The following PAMR1 variants were observed in gnomAD, a reference collection of about 807,000 sequenced individuals.
The protein encoded by PAMR1 is inactive serine protease PAMR1.
Under a neutral mutation model 81.8 loss-of-function variants are expected in PAMR1, and 88 were observed. The ratio of observed to expected loss-of-function variants is 1.08; its 90% confidence interval spans 0.91 to 1.28. The LOEUF (loss-of-function observed/expected upper bound fraction) is 1.28. Among genes scored for constraint, PAMR1 ranks in the 50% most tolerant of loss-of-function variants. The pLI, the probability that PAMR1 is intolerant of heterozygous loss-of-function variation, is 0.00. For missense variants in PAMR1, 935 were observed against 919.7 expected (o/e 1.02, Z -0.21); for synonymous variants, 336 against 345.3 (o/e 0.97, Z 0.30).
chr11:35,435,345 T>C (rs1484376861), intron 9 of PAMR1, among the ~76,000 whole-genome samples: 1 of 152,228 alleles, frequency 6.6e-6, no homozygotes, highest in Non-Finnish European at 1.5e-5. Context: ...ATGATGTAAT[T>C]AATACCTCAT....
chr11:35,490,377 C>T (rs538544480), intron 3 of PAMR1, among the ~76,000 whole-genome samples: 1 of 152,330 alleles, frequency 6.6e-6, no homozygotes, highest in African/African-American at 2.4e-5. Context: ...AAAGAGCACT[C>T]TTCCATATGA....
intron 8 of PAMR1, among the ~76,000 whole-genome samples, chr11:35,436,568 A>G (rs1856050345): frequency 6.6e-6 from 1 of 152,002 alleles, no homozygotes; most frequent in Non-Finnish European, 1.5e-5. Context: ...TACAGGTGTG[A>G]GCTACGCCAC....
intron 3 of PAMR1, among the ~76,000 whole-genome samples, chr11:35,475,310 T>C (rs1850265696): frequency 6.6e-6 from 1 of 152,248 alleles, no homozygotes; most frequent in Non-Finnish European, 1.5e-5. Flanking sequence ...CCAGTTGGAC[T>C]GGATTGATGA....
chr11:35,455,287 C>G (rs1856505157), intron 6 of PAMR1, among the ~76,000 whole-genome samples: 1 of 152,166 alleles, frequency 6.6e-6, no homozygotes, highest in South Asian at 2.1e-4. Context: ...ACTCATGACA[C>G]CATTTTCTAT....
chr11:35,444,502 CTT>C (rs1237546767), intron 6 of PAMR1, among the ~76,000 whole-genome samples: 2 of 152,116 alleles, frequency 1.3e-5, no homozygotes, highest in Non-Finnish European at 2.9e-5. Flanking sequence ...ATTTTTCCAT[CTT>C]GAGTTAATTT....
chr11:35,503,563 T>C (rs755079597), intron 1 of PAMR1, among the ~76,000 whole-genome samples: 12 of 152,162 alleles, frequency 7.9e-5, no homozygotes, highest in Non-Finnish European at 1.5e-4. Flanking sequence ...CAGTGTTTCA[T>C]AGTTTTCCTT....
chr11:35,511,189 A>G (rs1851066272), intron 1 of PAMR1, among the ~76,000 whole-genome samples: 1 of 152,246 alleles, frequency 6.6e-6, no homozygotes. Flanking sequence ...GGCTGACAAA[A>G]TGTGCTTTAC....
chr11:35,476,619 A>AGCCC (rs1850289709), intron 3 of PAMR1, among the ~76,000 whole-genome samples: 1 of 152,170 alleles, frequency 6.6e-6, no homozygotes, highest in South Asian at 2.1e-4. Context: ...AGATATTTCT[A>AGCCC]CATAGCAGAG....
At position 35,433,355 on chromosome 11, in the gene PAMR1, C is replaced by T. The variant is rs142108112; in HGVS notation, c.1627-463G>A. ...GGCTAAGTTTTCAACCTCTGGTCCA[C>T]TGTAAACATTTCATTTACATTCAAG... On this transcript the variant is annotated intron_variant, in intron 10 of 10. Transcript: ENST00000619888. Among the ~76,000 whole-genome samples the T allele has an allele frequency of 5.3e-5, 8 of 152,360 alleles. No homozygotes were observed. The East Asian group carries it at 9.6e-4, about 18-fold the overall frequency.
intron 8 of PAMR1, among the ~76,000 whole-genome samples, chr11:35,436,656 TCACACACA>T (rs34951313): frequency 1.8e-4 from 26 of 144,944 alleles, no homozygotes; most frequent in Middle Eastern, 3.6e-3. Context: ...TCTCTCTCTG[TCACACACA>T]CACACACACA....
At position 35,432,315 on chromosome 11, in the gene PAMR1, G is replaced by C. The variant is rs541189556; in HGVS notation, c.*41C>G. ...TTCACGCAATGACACACGTACAGAC[G>C]GATATACAGAAACACTTCTCAAGGA... On this transcript the variant is annotated 3_prime_UTR_variant, in exon 11 of 11. Transcript: ENST00000619888. The C allele has an allele frequency of 1.1e-5, 17 of 1,550,724 alleles. No homozygotes were observed. The highest frequency in any genetic ancestry group is 1.7e-4 in the Middle Eastern group (1 of 5,908).
upstream of PAMR1, among the ~76,000 whole-genome samples, chr11:35,526,677 C>T (rs1308246430): frequency 6.6e-6 from 1 of 152,184 alleles, no homozygotes; most frequent in Non-Finnish European, 1.5e-5. Flanking sequence ...GCAGCTTAGG[C>T]CCACAGGCTA....
chr11:35,436,121 T>TGTAATG lies in PAMR1; in HGVS notation c.1109_1114dup (p.Pro370_Leu371dup). The TGTAATG allele has an allele frequency of 1.2e-6, 2 of 1,613,036 alleles. No homozygotes were observed. Among genetic ancestry groups the TGTAATG allele is most frequent in the Non-Finnish European group, 1.7e-6 (2 of 1,179,088 alleles). On this transcript the variant is annotated inframe_insertion, in exon 9 of 11. Transcript: ENST00000619888. ...GCTGAAGGCCGCTGAGTATAGCTGG[T>TGTAATG]GTAATGGTGTCTCCCTGGGTCAGGA...
chr11:35,493,544 C>G (rs1430325297), intron 2 of PAMR1, among the ~76,000 whole-genome samples: 1 of 152,156 alleles, frequency 6.6e-6, no homozygotes, highest in Non-Finnish European at 1.5e-5. Flanking sequence ...TGCCACAGGA[C>G]CTTCGCACAT....
chr11:35,504,932 T>A (rs932097476), intron 1 of PAMR1, among the ~76,000 whole-genome samples: 1 of 151,934 alleles, frequency 6.6e-6, no homozygotes, highest in Non-Finnish European at 1.5e-5. Flanking sequence ...TCTAGTTCCC[T>A]GAGGTGCATT....
chr11:35,445,841 C>T (rs1203914257), intron 6 of PAMR1, among the ~76,000 whole-genome samples: 1 of 152,120 alleles, frequency 6.6e-6, no homozygotes, highest in Non-Finnish European at 1.5e-5. Context: ...ATGATGCTGG[C>T]CTCATAAAAT....
At chr11:35,469,473 A>G (rs1856811529) in intron 5 of PAMR1, among the ~76,000 whole-genome samples, 1 of 152,210 alleles carries the variant, frequency 6.6e-6, no homozygotes, top group South Asian at 2.1e-4. Flanking sequence ...TGCTCAGCCT[A>G]TACCTGCAGG....
intron 1 of PAMR1, among the ~76,000 whole-genome samples, chr11:35,515,794 G>A (rs946654357): frequency 1.3e-5 from 2 of 152,136 alleles, no homozygotes; most frequent in Admixed American, 1.3e-4. Context: ...CAAGGAGAGA[G>A]AGCAAGTGTC....
chr11:35,434,398 C>A, intron 10 of PAMR1, 114 bp downstream of exon 10: 1 of 999,304 alleles, frequency 1.0e-6, no homozygotes, highest in South Asian at 1.6e-5. Flanking sequence ...ATGCGAGGCT[C>A]TGGGCTGGCT....
Sources: gnomAD v4.1 joint callset for allele counts (sites outside exome capture counted in the v4.1 genomes callset) on GRCh38, gnomAD v4.1.1 for gene constraint, MANE v1.5 for transcripts, NCBI Gene and HGNC (gene_info 2026-07-23, HGNC 2026-07-21) for gene names.